The following SMYD3 variants were observed in gnomAD, a reference collection of about 807,000 sequenced individuals.
SMYD3 encodes histone-lysine N-methyltransferase SMYD3.
SMYD3 carries 36 observed loss-of-function variants against 57.7 expected under a neutral mutation model. The observed-to-expected ratio is 0.62, with a 90% CI of 0.48 to 0.82. The LOEUF (loss-of-function observed/expected upper bound fraction) is 0.82. Ranked by LOEUF, SMYD3 falls within the 40% of genes least tolerant of loss-of-function variation. SMYD3 has a pLI of 0.00. For missense variants in SMYD3, 515 were observed against 538.8 expected, an observed-to-expected ratio of 0.96 and a Z score of 0.44; for synonymous variants, 211 against 195.0, an observed-to-expected ratio of 1.08 and a Z score of -0.68.
At chr1:245,800,795 C>G (rs1220517476) in intron 10 of SMYD3, among the ~76,000 whole-genome samples, 1 of 152,184 alleles carries the variant, frequency 6.6e-6, no homozygotes, top group Non-Finnish European at 1.5e-5. Context: ...GCCCCAGGAA[C>G]TTGGGGAAGG....
chr1:245,774,726 T>TTCCACGGTCTCCCTCTCCTTC (rs2046487382), intron 10 of SMYD3, among the ~76,000 whole-genome samples: 2 of 147,264 alleles, frequency 1.4e-5, no homozygotes, highest in African/African-American at 5.2e-5. Flanking sequence ...CTCCCTCTCT[T>TTCCACGGTCTCCCTCTCCTTC]TCCACGGTCT....
chr1:246,139,171 G>A (rs2061712476), intron 5 of SMYD3, among the ~76,000 whole-genome samples: 2 of 152,138 alleles, frequency 1.3e-5, no homozygotes, highest in African/African-American at 4.8e-5. Context: ...AGCTTCCTGG[G>A]AAATTTTAAT....
chr1:246,200,610 A>G (rs537759530), intron 5 of SMYD3, among the ~76,000 whole-genome samples: 1 of 127,248 alleles, frequency 7.9e-6, no homozygotes, highest in Non-Finnish European at 1.6e-5. Context: ...ACGTCACTAT[A>G]ATAGAGAAGA....
At chr1:245,877,032 T>G (rs2052526513) in intron 8 of SMYD3, among the ~76,000 whole-genome samples, 1 of 151,934 alleles carries the variant, frequency 6.6e-6, no homozygotes, top group Admixed American at 6.5e-5. Flanking sequence ...ATGGAAGCAT[T>G]AGACAAGGAG....
At chr1:246,147,231 G>A (rs2061861170) in intron 5 of SMYD3, among the ~76,000 whole-genome samples, 1 of 149,602 alleles carries the variant, frequency 6.7e-6, no homozygotes, top group African/African-American at 2.5e-5. Flanking sequence ...TAATTTCCCA[G>A]TCCAAGGAAA....
intron 10 of SMYD3, among the ~76,000 whole-genome samples, chr1:245,788,127 C>G (rs1049936235): frequency 6.6e-6 from 1 of 151,812 alleles, no homozygotes; most frequent in Non-Finnish European, 1.5e-5. Flanking sequence ...GAATGGAGTC[C>G]AGATTAACAC....
chr1:246,364,827 T>C (rs1011415755), intron 1 of SMYD3, among the ~76,000 whole-genome samples: 1 of 152,216 alleles, frequency 6.6e-6, no homozygotes, highest in Non-Finnish European at 1.5e-5. Flanking sequence ...AGTTCTTGAT[T>C]GTAACCACAC....
chr1:245,781,191 T>C (rs1393526564), intron 10 of SMYD3, among the ~76,000 whole-genome samples: 1 of 152,184 alleles, frequency 6.6e-6, no homozygotes, highest in Non-Finnish European at 1.5e-5. Flanking sequence ...CATAAAAACT[T>C]CTAAAACTCA....
intron 5 of SMYD3, among the ~76,000 whole-genome samples, chr1:246,001,106 A>T (rs1056157096): frequency 4.6e-5 from 7 of 152,226 alleles, no homozygotes; most frequent in Non-Finnish European, 1.0e-4. Flanking sequence ...AACGAGACTG[A>T]TGCAAATGAT....
chr1:246,059,533 T>G (rs1473479217), intron 5 of SMYD3, among the ~76,000 whole-genome samples: 2 of 152,180 alleles, frequency 1.3e-5, no homozygotes, highest in Non-Finnish European at 2.9e-5. Flanking sequence ...AGCCAGCCAT[T>G]GCCATGCCCA....
At chr1:245,814,568 G>A (rs1297821573) in intron 10 of SMYD3, among the ~76,000 whole-genome samples, 1 of 152,166 alleles carries the variant, frequency 6.6e-6, no homozygotes, top group Non-Finnish European at 1.5e-5. Flanking sequence ...TGAAATGGAT[G>A]CTGCTGCAAG....
At chr1:245,840,750 TA>T (rs199831788) in intron 10 of SMYD3, among the ~76,000 whole-genome samples, 76 of 143,134 alleles carry the variant, frequency 5.3e-4, no homozygotes, top group East Asian at 2.0e-3. Context: ...CAGACATGGT[TA>T]AAAAAAAAAA....
intron 9 of SMYD3, 62 bp downstream of exon 9, chr1:245,863,737 G>A: frequency 1.3e-6 from 2 of 1,495,932 alleles, no homozygotes; most frequent in Non-Finnish European, 1.9e-6. Context: ...ATTACGACAG[G>A]GCTTCAAGAA....
chr1:245,869,758 C>T (rs2148512152), intron 8 of SMYD3, among the ~76,000 whole-genome samples: 1 of 152,354 alleles, frequency 6.6e-6, no homozygotes. Context: ...ACTGCACCCA[C>T]TCTTCCAACT....
intron 1 of SMYD3, among the ~76,000 whole-genome samples, chr1:246,361,295 T>C (rs750605566): frequency 6.6e-6 from 1 of 152,058 alleles, no homozygotes; most frequent in Non-Finnish European, 1.5e-5. Context: ...ATCAAAAAAA[T>C]AATCGACGTA....
At chr1:246,040,363 C>T (rs999048304) in intron 5 of SMYD3, among the ~76,000 whole-genome samples, 1 of 152,200 alleles carries the variant, frequency 6.6e-6, no homozygotes, top group Non-Finnish European at 1.5e-5. Flanking sequence ...GCTTCGCCAC[C>T]ACAAACGCAA....
At chr1:246,248,168 G>GA (rs1311579588) in intron 5 of SMYD3, among the ~76,000 whole-genome samples, 1 of 152,168 alleles carries the variant, frequency 6.6e-6, no homozygotes, top group Non-Finnish European at 1.5e-5. Flanking sequence ...TCATAAAACT[G>GA]AAAAGCAACC....
At chr1:246,473,816 G>T (rs1255327981) in intron 1 of SMYD3, among the ~76,000 whole-genome samples, 1 of 152,192 alleles carries the variant, frequency 6.6e-6, no homozygotes, top group Non-Finnish European at 1.5e-5. Flanking sequence ...CTGCCCCTCA[G>T]GGGAAAGCCT....
At chr1:246,059,372 G>A (rs1050340384) in intron 5 of SMYD3, among the ~76,000 whole-genome samples, 30 of 152,204 alleles carry the variant, frequency 2.0e-4, no homozygotes, top group African/African-American at 7.0e-4. Context: ...ATGACTTTAA[G>A]TATTCTATAC....
Sources: allele counts gnomAD v4.1 joint callset (sites outside exome capture counted in the v4.1 genomes callset), GRCh38; gene constraint gnomAD v4.1.1; transcripts MANE v1.5; gene names NCBI Gene and HGNC (gene_info 2026-07-23, HGNC 2026-07-21).